SPECC1: variants seen among roughly 807,000 people sequenced by gnomAD.
SPECC1 encodes cytospin-B.
SPECC1 carries 62 observed loss-of-function variants against 104.1 expected under a neutral mutation model. The observed-to-expected ratio is 0.60, with a 90% confidence interval of 0.49 to 0.74. The LOEUF is 0.74. Ranked by LOEUF, SPECC1 falls within the 30% of genes least tolerant of loss-of-function variation. The pLI is 0.00. For missense variants in SPECC1, 1,306 were observed against 1,310.5 expected, an observed-to-expected ratio of 1.00 and a Z score of 0.05; for synonymous variants, 513 against 501.6, an observed-to-expected ratio of 1.02 and a Z score of -0.30.
intron 3 of SPECC1, among the ~76,000 whole-genome samples, chr17:20,177,266 G>A (rs1395074913): frequency 6.6e-6 from 1 of 152,176 alleles, no homozygotes; most frequent in Non-Finnish European, 1.5e-5. Flanking sequence ...GAAAATTGTA[G>A]GTTAAAACTA....
intron 1 of SPECC1, among the ~76,000 whole-genome samples, chr17:20,025,763 T>G (rs1457801318): frequency 6.6e-6 from 1 of 152,194 alleles, no homozygotes; most frequent in Non-Finnish European, 1.5e-5. Context: ...AACTCTGTAT[T>G]TAATAATTTG....
At chr17:20,277,394 T>C (rs551051572) in intron 12 of SPECC1, among the ~76,000 whole-genome samples, 190 of 152,324 alleles carry the variant, frequency 1.2e-3, no homozygotes, top group Middle Eastern at 3.4e-3. Flanking sequence ...TTTAAACTTT[T>C]TTTTTAAAAT....
At position 20,171,259 on chromosome 17, in the gene SPECC1, T is replaced by C. The variant is rs146095629; in HGVS notation, c.284-33074T>C. 6.3e-3 allele frequency among the ~76,000 whole-genome samples: 962 copies of C among 152,316 alleles called. 10 individuals carry two copies. The highest frequency in any genetic ancestry group is 0.022 in the African/African-American group (915 of 41,566). On this transcript the variant is annotated intron_variant, in intron 3 of 14. Transcript: ENST00000395527. ...GGTATGTGGCTCTGAGTGCTTTGTT[T>C]GCCTGTTTGTATTTGTGTTTCTGTG...
chr17:20,120,605 A>T (rs2048979589), intron 3 of SPECC1, among the ~76,000 whole-genome samples: 1 of 152,198 alleles, frequency 6.6e-6, no homozygotes, highest in Non-Finnish European at 1.5e-5. Context: ...AGGGGGCAGA[A>T]TTCTTTTTAT....
chr17:20,215,499 ACTGT>A (rs1347098641), intron 4 of SPECC1, among the ~76,000 whole-genome samples: 3 of 152,140 alleles, frequency 2.0e-5, no homozygotes, highest in Non-Finnish European at 2.9e-5. Flanking sequence ...TTCTAATAAA[ACTGT>A]CTGTACAACT....
intron 3 of SPECC1, among the ~76,000 whole-genome samples, chr17:20,149,278 T>C (rs186798511): frequency 6.6e-6 from 1 of 152,180 alleles, no homozygotes; most frequent in Non-Finnish European, 1.5e-5. Flanking sequence ...ATGTAGCAGG[T>C]CTGGGACTGC....
intron 1 of SPECC1, among the ~76,000 whole-genome samples, chr17:20,043,983 A>T: frequency 6.6e-6 from 1 of 152,104 alleles, no homozygotes; most frequent in East Asian, 1.9e-4. Flanking sequence ...TTCAATTTTT[A>T]TATTCACAGT....
At chr17:20,257,705 A>C (rs546886164) in intron 11 of SPECC1, 98 bp downstream of exon 11, 2 of 1,450,100 alleles carry the variant, frequency 1.4e-6, no homozygotes, top group African/African-American at 2.9e-5. Flanking sequence ...TACTTCTACA[A>C]ATATTTCCTG....
In SPECC1 at chr17:20,195,459, G is replaced by A. The variant is rs148881644; in HGVS notation, c.284-8874G>A. Among the ~76,000 whole-genome samples the A allele has an allele frequency of 2.8e-4, 43 of 152,094 alleles. No homozygotes were observed. In the East Asian group the frequency reaches 7.7e-3, roughly 27 times the overall value. ...TTTATGTAAATATAGTCCAAAGAAAGCAAAACACCATTTCACATTCGATTA... is the reference window on the plus strand; with the variant it reads ...TTTATGTAAATATAGTCCAAAGAAAACAAAACACCATTTCACATTCGATTA... On this transcript the variant is annotated intron_variant, in intron 3 of 14. Transcript: ENST00000395527.
rs752375643 is a variant in SPECC1 at position 20,227,560 on chromosome 17, C to G, written c.2011C>G (p.Gln671Glu). The part of the protein sequence containing the change: ...MKETIFELED[Q>E]VEQHRAVKLH... ...AGAAACCATATTTGAATTGGAAGAT[C>G]AGGTGGAACAGCACCGGGCTGTCAA... is the stretch of plus-strand genomic sequence containing the variant. Residue 671 changes from glutamine to glutamate, a missense_variant, in exon 5 of 15, where the codon CAG becomes GAG. By Grantham distance (29) the Gln-to-Glu change is conservative. Coordinates refer to ENST00000395527, the MANE Select transcript of SPECC1 (RefSeq NM_001243439.2). 9.9e-6 allele frequency: 16 copies of G among 1,612,342 alleles called. 1 individual carries two copies. In the South Asian group the frequency reaches 1.7e-4, roughly 17 times the overall value.
rs143779014 is a variant in SPECC1, at chr17:20,299,658, A to C, written c.3057+2581A>C. On this transcript the variant is annotated intron_variant, in intron 13 of 14. Coordinates refer to ENST00000395527, the MANE Select transcript of SPECC1 (RefSeq NM_001243439.2). Reference sequence around the variant, plus strand: ...CTGGGTGCCATGCCTATCCAAGTTAACACATGCAATTAACCATCACAGAAT... The same window carrying C: ...CTGGGTGCCATGCCTATCCAAGTTACCACATGCAATTAACCATCACAGAAT... Among the ~76,000 whole-genome samples the C allele has an allele frequency of 1.6e-3, 239 of 152,248 alleles. 2 individuals carry two copies. The highest frequency in any genetic ancestry group is 5.4e-3 in the African/African-American group (224 of 41,538).
chr17:20,179,193 G>A (rs139653406), intron 3 of SPECC1, among the ~76,000 whole-genome samples: 7 of 152,348 alleles, frequency 4.6e-5, no homozygotes, highest in Non-Finnish European at 1.0e-4. Flanking sequence ...CAGGGACAGC[G>A]CATCAAATCT....
chr17:20,024,008 G>A (rs1329634615), intron 1 of SPECC1, among the ~76,000 whole-genome samples: 7 of 152,184 alleles, frequency 4.6e-5, no homozygotes, highest in Non-Finnish European at 8.8e-5. Context: ...AAGGAGGTCA[G>A]CAGAATATTA....
At chr17:20,041,620 C>CTTTTTTTTTT (rs35255510) in intron 1 of SPECC1, among the ~76,000 whole-genome samples, 2 of 51,150 alleles carry the variant, frequency 3.9e-5, no homozygotes, top group African/African-American at 5.6e-5. Context: ...TTTGTTGAGG[C>CTTTTTTTTTT]TTTTTTTTTT....
At chr17:20,230,686 A>G (rs981796535) in intron 5 of SPECC1, among the ~76,000 whole-genome samples, 3 of 152,230 alleles carry the variant, frequency 2.0e-5, no homozygotes, top group Admixed American at 6.5e-5. Flanking sequence ...CAACAATGCA[A>G]GCCATCTTTT....
intron 1 of SPECC1, among the ~76,000 whole-genome samples, chr17:20,060,318 C>G (rs527741269): frequency 1.3e-5 from 2 of 152,086 alleles, no homozygotes; most frequent in Non-Finnish European, 2.9e-5. Flanking sequence ...AAAGCTTATG[C>G]GGTTTCTACA....
chr17:20,043,069 C>T lies in SPECC1; in HGVS notation c.-22+33645C>T, dbSNP rs558940275. ...GAAACTGAGTTTTCTTTGGAGAGGC[C>T]AAGCAAGTTTCTTTGGAGAGGCCAA... On this transcript the variant is annotated intron_variant, in intron 1 of 14. Transcript: ENST00000395527. Among the ~76,000 whole-genome samples the T allele has an allele frequency of 2.0e-5, 3 of 152,102 alleles. No individual in the cohort carries two copies. In the East Asian group the frequency reaches 5.8e-4, roughly 29 times the overall value.
intron 3 of SPECC1, among the ~76,000 whole-genome samples, chr17:20,129,868 C>T (rs555057385): frequency 2.6e-5 from 4 of 152,294 alleles, no homozygotes; most frequent in African/African-American, 7.2e-5. Context: ...ATTCTCCTGC[C>T]TCAGCCTCCC....
In SPECC1 at chr17:20,314,211, A is replaced by G; in HGVS notation, c.*146A>G. ...CTCAATCCAAGTGGACCAACACCCA[A>G]ATAAGAAACAGAGTGGGTCCCACGA... On this transcript the variant is annotated 3_prime_UTR_variant, in exon 15 of 15. Transcript: ENST00000395527. 1.5e-6 allele frequency: 1 copy of G among 673,226 alleles called. No homozygotes were observed. Among genetic ancestry groups the G allele is most frequent in the Non-Finnish European group, 2.6e-6 (1 of 380,118 alleles). The allele number at this position is 673,226 out of a possible 1,614,324, so 41.7% of individuals were successfully genotyped here.
Sources: allele counts gnomAD v4.1 joint callset (sites outside exome capture counted in the v4.1 genomes callset), GRCh38; gene constraint gnomAD v4.1.1; transcripts MANE v1.5; gene names NCBI Gene and HGNC (gene_info 2026-07-23, HGNC 2026-07-21).